Variants in SCN11A observed in about 807,000 individuals in gnomAD.
SCN11A encodes sodium channel protein type 11 subunit alpha.
Under a neutral mutation model 162.2 loss-of-function variants are expected in SCN11A, and 122 were observed. The ratio of observed to expected loss-of-function variants is 0.75; its 90% CI spans 0.65 to 0.87. The LOEUF (loss-of-function observed/expected upper bound fraction) is 0.87. Among genes scored for constraint, SCN11A ranks in the 40% least tolerant of loss-of-function variants. The pLI, the probability that SCN11A is intolerant of heterozygous loss-of-function variation, is 0.00. For missense variants in SCN11A, 2,015 were observed against 2,181.6 expected (o/e 0.92, Z 1.52); for synonymous variants, 758 against 751.5 (o/e 1.01, Z -0.14).
intron 26 of SCN11A, 61 bp downstream of exon 26, chr3:38,870,630 G>C: frequency 7.1e-7 from 1 of 1,402,930 alleles, no homozygotes; most frequent in Non-Finnish European, 1.0e-6. Context: ...GACTGTCCAT[G>C]TAGTCATGAT....
At chr3:38,861,348 C>G (rs959577071) in intron 28 of SCN11A, among the ~76,000 whole-genome samples, 8 of 151,864 alleles carry the variant, frequency 5.3e-5, no homozygotes, top group Non-Finnish European at 1.0e-4. Context: ...GTGCAATTCC[C>G]AACAAAATAC....
intron 2 of SCN11A, among the ~76,000 whole-genome samples, chr3:39,027,279 G>A (rs555174493): frequency 1.9e-4 from 29 of 152,242 alleles, no homozygotes; most frequent in Admixed American, 7.2e-4. Context: ...AAAGCCAGTG[G>A]CAACCATAAA....
Position 38,950,131 on chromosome 3 carries a change from G to C in SCN11A, c.232C>G (p.Leu78Val). ...CGGTAGAATGGGTCCAAGTCTTCCA[G>C]AGGCTTTCCTATGAGCTCACGAGGA... is the stretch of plus-strand genomic sequence containing the variant. ...DIPRELIGKP[L>V]EDLDPFYRNH... Residue 78 changes from leucine to valine, a missense_variant, in exon 5 of 30, where the codon CTG becomes GTG. Leu to Val is a conservative substitution (Grantham distance 32). Coordinates refer to ENST00000302328, the MANE Select transcript of SCN11A (RefSeq NM_001349253.2). 6.3e-7 allele frequency: 1 copy of C among 1,590,944 alleles called. No homozygotes were observed. The highest frequency in any genetic ancestry group is 8.5e-7 in the Non-Finnish European group (1 of 1,174,256).
rs2065282402 is a variant in SCN11A at position 38,880,034 on chromosome 3, C to T, written c.3309G>A (p.Leu1103=). Residue 1103 remains leucine (L), a synonymous_variant, in exon 23 of 30, where the codon CTG becomes CTA. Transcript: ENST00000302328. ...AGGCTACCCATTTTAGTACCATCTC[C>T]AGGATAAAAATATGTGTAAAAATAA... ...TDIIFTHIFI[L]EMVLKWVAFG... 6.2e-7 allele frequency: 1 copy of T among 1,611,350 alleles called. No homozygotes were observed. The highest frequency in any genetic ancestry group is 1.7e-5 in the Admixed American group (1 of 59,854).
chr3:38,974,466 C>T lies in SCN11A; in HGVS notation c.-279-14043G>A, dbSNP rs529024980. The stretch of plus-strand genomic sequence containing the variant: ...ATCCCAGCACTTTGGGAGGCCGAGG[C>T]GGGCAGATCACGAGGTCAGGAGATC... On this transcript the variant is annotated intron_variant, in intron 2 of 29. Transcript: ENST00000302328. Among the ~76,000 whole-genome samples, 162 of 151,384 alleles carry T rather than the reference C, an allele frequency of 1.1e-3. 1 individual carries two copies. Among genetic ancestry groups the T allele is most frequent in the African/African-American group, 3.8e-3 (157 of 41,322 alleles).
intron 2 of SCN11A, among the ~76,000 whole-genome samples, chr3:38,964,444 C>T (rs1319528219): frequency 6.6e-6 from 1 of 152,166 alleles, no homozygotes. Flanking sequence ...CATGCATCTG[C>T]TGCATGAGAA....
chr3:38,896,988 A>C lies in SCN11A; in HGVS notation c.2260T>G (p.Phe754Val), dbSNP rs753047048. 1.2e-6 allele frequency: 2 copies of C among 1,614,014 alleles called. No homozygotes were observed. Among genetic ancestry groups the C allele is most frequent in the African/African-American group, 2.7e-5 (2 of 74,900 alleles). The change falls in exon 18 of 30, where the codon TTC becomes GTC. Residue 754 changes from phenylalanine to valine, a missense_variant. Transcript: ENST00000302328. ...AATACCACTAGGAAGGAGTGCCAGAAATCCCCCATGTGCCAGTGCCGTAAA... is the reference window on the plus strand; with the variant it reads ...AATACCACTAGGAAGGAGTGCCAGACATCCCCCATGTGCCAGTGCCGTAAA... ...SCLRHWHMGD[F>V]WHSFLVVFRI...
intron 1 of SCN11A, among the ~76,000 whole-genome samples, chr3:39,040,111 C>A (rs1161943351): frequency 1.3e-5 from 2 of 152,204 alleles, no homozygotes; most frequent in South Asian, 2.1e-4. Flanking sequence ...CAGGCAAGCA[C>A]CCTCCCATAA....
At chr3:39,043,296 C>A (rs34827122) in intron 1 of SCN11A, among the ~76,000 whole-genome samples, 1 of 152,046 alleles carries the variant, frequency 6.6e-6, no homozygotes, top group East Asian at 1.9e-4. Flanking sequence ...CCATACGATC[C>A]AGCAATCCCA....
intron 2 of SCN11A, among the ~76,000 whole-genome samples, chr3:39,010,309 T>C (rs1345137382): frequency 6.6e-6 from 1 of 152,080 alleles, no homozygotes; most frequent in Non-Finnish European, 1.5e-5. Context: ...ACTCTAATTA[T>C]GTATAATTTT....
intron 3 of SCN11A, among the ~76,000 whole-genome samples, chr3:38,958,099 G>T (rs1575335683): frequency 6.6e-6 from 1 of 152,322 alleles, no homozygotes; most frequent in African/African-American, 2.4e-5. Context: ...AGTTATAAAA[G>T]TCACATAGCC....
intron 28 of SCN11A, among the ~76,000 whole-genome samples, chr3:38,853,706 A>G (rs977670825): frequency 2.0e-5 from 3 of 152,200 alleles, no homozygotes; most frequent in African/African-American, 7.2e-5. Flanking sequence ...TCTCATGTTC[A>G]AATGGAAACC....
Position 38,953,070 on chromosome 3 carries a change from G to T in SCN11A, c.-8+559C>A, listed in dbSNP as rs1021636010. Among the ~76,000 whole-genome samples, 11 of 151,344 alleles carry T rather than the reference G, an allele frequency of 7.3e-5. No homozygotes were observed. In the South Asian group the frequency reaches 1.1e-3, roughly 15 times the overall value. ...TTTGTTTTTTTTTGTTGTTGTTGTT[G>T]TTTTTTTAAAGAAAAGCCACTCTAA... On this transcript the variant is annotated intron_variant, in intron 4 of 29. Transcript: ENST00000302328.
chr3:38,863,058 T>C, intron 28 of SCN11A, 137 bp downstream of exon 28: 1 of 609,530 alleles, frequency 1.6e-6, no homozygotes, highest in Middle Eastern at 2.6e-4. Flanking sequence ...TCCTAAGTGT[T>C]TGAATATGTC....
chr3:39,025,198 GAGC>G (rs774849875), intron 2 of SCN11A, among the ~76,000 whole-genome samples: 129 of 152,258 alleles, frequency 8.5e-4, no homozygotes, highest in Admixed American at 2.5e-3. Context: ...GGAGACAGGA[GAGC>G]AGGAGGTCAG....
At chr3:38,952,568 G>A (rs2066635220) in intron 4 of SCN11A, among the ~76,000 whole-genome samples, 1 of 152,210 alleles carries the variant, frequency 6.6e-6, no homozygotes, top group Admixed American at 6.5e-5. Context: ...ACACTGTCCT[G>A]GAGTAGTAGA....
chr3:39,047,657 T>C (rs1466001773), intron 1 of SCN11A, among the ~76,000 whole-genome samples: 2 of 151,670 alleles, frequency 1.3e-5, no homozygotes, highest in African/African-American at 4.9e-5. Flanking sequence ...CCAGGAAGTA[T>C]AAAAAACTCA....
At chr3:39,029,175 G>T (rs922460381) in intron 2 of SCN11A, among the ~76,000 whole-genome samples, 1 of 151,984 alleles carries the variant, frequency 6.6e-6, no homozygotes, top group Non-Finnish European at 1.5e-5. Context: ...CTCTCTGAAG[G>T]GGTTATACCA....
intron 11 of SCN11A, among the ~76,000 whole-genome samples, chr3:38,916,566 A>G (rs995186751): frequency 6.6e-6 from 1 of 152,102 alleles, no homozygotes; most frequent in African/African-American, 2.4e-5. Context: ...TGTGATCAAG[A>G]CCAAAATCGT....
Sources: gnomAD v4.1 joint callset for allele counts (sites outside exome capture counted in the v4.1 genomes callset) on GRCh38, gnomAD v4.1.1 for gene constraint, MANE v1.5 for transcripts, NCBI Gene and HGNC (gene_info 2026-07-23, HGNC 2026-07-21) for gene names.